The following MYOF variants were observed in gnomAD, a reference collection of about 807,000 sequenced individuals.
The protein encoded by MYOF is myoferlin.
A neutral mutation model predicts 284.2 loss-of-function variants in MYOF; 244 were observed. That is an observed-to-expected ratio of 0.86 (90% CI 0.77 to 0.95). The LOEUF (loss-of-function observed/expected upper bound fraction) is 0.95, where lower values mean the gene tolerates loss of function less well. Among genes scored for constraint, MYOF ranks in the 40% least tolerant of loss-of-function variants. MYOF has a pLI of 0.00. For synonymous variants in MYOF, 904 were observed against 919.7 expected (o/e 0.98, Z 0.31); for missense variants, 2,496 against 2,560.6 (o/e 0.97, Z 0.54).
rs150505960 is a variant in MYOF, at chr10:93,325,753, C to T, written c.5271+73G>A. ...CAAAGTATTCAAAGAAGATAAAAGG[C>T]GCAAAAATGTCAACTACTGCCATTG... On this transcript the variant is annotated intron_variant, in intron 46 of 53. Transcript: ENST00000359263. 260 of 1,502,206 alleles carry T rather than the reference C, an allele frequency of 1.7e-4. No homozygotes were observed. In the African/African-American group the frequency reaches 2.3e-3, roughly 13 times the overall value. The allele number at this position is 1,502,206 out of a possible 1,614,324, so 93.1% of individuals were successfully genotyped here.
intron 37 of MYOF, 135 bp from the exon 38 acceptor site, chr10:93,344,067 G>GTT: frequency 1.2e-6 from 1 of 814,838 alleles, no homozygotes. Context: ...AGAATAGAGA[G>GTT]GACAACTCCT....
At chr10:93,459,134 A>G (rs1244388306) in intron 1 of MYOF, among the ~76,000 whole-genome samples, 1 of 152,124 alleles carries the variant, frequency 6.6e-6, no homozygotes, top group Non-Finnish European at 1.5e-5. Context: ...TATGTGGCCT[A>G]CAGAGCCCCT....
At chr10:93,418,204 AGCACAACAAAGG>A (rs1057443287) in intron 5 of MYOF, among the ~76,000 whole-genome samples, 13 of 152,344 alleles carry the variant, frequency 8.5e-5, no homozygotes, top group Admixed American at 5.9e-4. Flanking sequence ...TCATTGCCCA[AGCACAACAAAGG>A]GCTGATATCA....
intron 15 of MYOF, 174 bp downstream of exon 15, chr10:93,397,073 T>G: frequency 1.9e-6 from 1 of 522,568 alleles, no homozygotes; most frequent in Non-Finnish European, 3.3e-6. Context: ...GAAGCTTTTT[T>G]TGCAGTAACA....
intron 1 of MYOF, among the ~76,000 whole-genome samples, chr10:93,465,723 C>A (rs2056995013): frequency 6.6e-6 from 1 of 151,944 alleles, no homozygotes; most frequent in African/African-American, 2.4e-5. Context: ...CCATGTTGGC[C>A]AGGCTGGTCT....
intron 45 of MYOF, among the ~76,000 whole-genome samples, chr10:93,328,179 C>T (rs1215042534): frequency 3.3e-5 from 5 of 152,174 alleles, no homozygotes; most frequent in East Asian, 1.9e-4. Context: ...CCCTTGCCAC[C>T]GCCCCCTCTG....
intron 4 of MYOF, among the ~76,000 whole-genome samples, chr10:93,428,932 G>A (rs1387740501): frequency 1.3e-5 from 2 of 152,132 alleles, no homozygotes; most frequent in African/African-American, 2.4e-5. Context: ...GGTGCTCCAG[G>A]GACCCCCAAA....
chr10:93,376,960 G>A (rs973924371), intron 22 of MYOF, among the ~76,000 whole-genome samples: 3 of 152,134 alleles, frequency 2.0e-5, no homozygotes, highest in East Asian at 1.9e-4. Flanking sequence ...CCCATTCTCC[G>A]TAGGAGCCAG....
At chr10:93,363,131 A>G (rs1845155571) in intron 27 of MYOF, among the ~76,000 whole-genome samples, 1 of 152,248 alleles carries the variant, frequency 6.6e-6, no homozygotes, top group Non-Finnish European at 1.5e-5. Flanking sequence ...ATCTATATGC[A>G]TTGACATAAA....
intron 39 of MYOF, among the ~76,000 whole-genome samples, chr10:93,338,694 G>T (rs374662436): frequency 6.6e-6 from 1 of 152,108 alleles, no homozygotes; most frequent in African/African-American, 2.4e-5. Context: ...GTGAGACCAG[G>T]GCATCCAATA....
rs575435504 is a variant in MYOF at position 93,353,829 on chromosome 10, C to T, written c.3463G>A (p.Asp1155Asn). 2.4e-5 allele frequency: 38 copies of T among 1,609,074 alleles called. No individual in the cohort carries two copies. Among genetic ancestry groups the T allele is most frequent in the Non-Finnish European group, 3.1e-5 (37 of 1,176,916 alleles). ...VYQARNLLAL[D>N]KDSFSDPYAH... ...CCTTTACCTGAAAAGCTATCCTTAT[C>T]TAAAGCCAAGAGGTTTCTGGCTTGA... is the stretch of plus-strand genomic sequence containing the variant. Residue 1155 changes from aspartate (D) to asparagine (N), a missense_variant, in exon 32 of 54, where the codon GAT becomes AAT. Asp to Asn is a conservative substitution (Grantham distance 23). Coordinates refer to ENST00000359263, the MANE Select transcript of MYOF (RefSeq NM_013451.4).
At chr10:93,356,226 T>G (rs1169694059) in intron 30 of MYOF, among the ~76,000 whole-genome samples, 2 of 152,222 alleles carry the variant, frequency 1.3e-5, no homozygotes, top group Admixed American at 1.3e-4. Context: ...TTCTTTACTG[T>G]GCTTCAGTAT....
intron 50 of MYOF, among the ~76,000 whole-genome samples, chr10:93,315,387 A>G (rs549599862): frequency 6.6e-6 from 1 of 152,248 alleles, no homozygotes; most frequent in South Asian, 2.1e-4. Flanking sequence ...AACAGATGAC[A>G]TTGCTAGAAT....
At chr10:93,447,703 G>A (rs1396789532) in intron 3 of MYOF, among the ~76,000 whole-genome samples, 12 of 152,086 alleles carry the variant, frequency 7.9e-5, no homozygotes, top group African/African-American at 2.9e-4. Context: ...AAAGTGTGAC[G>A]TTTCTCTATA....
chr10:93,353,196 C>T (rs889581375), intron 32 of MYOF, among the ~76,000 whole-genome samples: 2 of 152,168 alleles, frequency 1.3e-5, no homozygotes, highest in African/African-American at 4.8e-5. Flanking sequence ...GCGGCAAGGA[C>T]TCAAATCCCC....
chr10:93,446,201 G>T (rs74150238), intron 3 of MYOF, among the ~76,000 whole-genome samples: 7,252 of 152,084 alleles, frequency 0.048, 564 homozygotes, highest in African/African-American at 0.16. Context: ...ACGCAGGGTC[G>T]GCCTTCCACT....
Position 93,353,855 on chromosome 10 carries a change from T to C in MYOF, c.3437A>G (p.Tyr1146Cys), listed in dbSNP as rs775539463. The C allele has an allele frequency of 5.0e-6, 8 of 1,611,198 alleles. No homozygotes were observed. Among genetic ancestry groups the C allele is most frequent in the South Asian group, 1.1e-5 (1 of 90,598 alleles). Reference protein sequence around the residue: ...VYIYHLRCYVYQARNLLALDK... With the variant: ...VYIYHLRCYVCQARNLLALDK... ...TAAAGCCAAGAGGTTTCTGGCTTGA[T>C]AGACATAGCAGCGCAGATGGTAGAT... Residue 1146 changes from tyrosine (Y) to cysteine (C), a missense_variant, in exon 32 of 54, where the codon TAT becomes TGT. Around this residue, in one of 3 missense-constraint regions of MYOF, gnomAD observed 2,436 missense variants for 2,480.7 expected, o/e 0.98. Coordinates refer to ENST00000359263, the MANE Select transcript of MYOF (RefSeq NM_013451.4).
At chr10:93,385,843 CT>C (rs34820102) in intron 19 of MYOF, among the ~76,000 whole-genome samples, 66,667 of 142,752 alleles carry the variant, frequency 0.47, 15,400 homozygotes, top group African/African-American at 0.58. Flanking sequence ...ATATTGTTGA[CT>C]TTTTTTTTTT....
In MYOF at chr10:93,469,405, GA is replaced by G. The variant is rs11406764; in HGVS notation, c.89-12469del. On this transcript the variant is annotated intron_variant, in intron 1 of 53. Coordinates refer to ENST00000359263, the MANE Select transcript of MYOF (RefSeq NM_013451.4). ...GACAGAGCTAGACTGCATCTCTGAA[GA>G]AAAAAAAAAAAGATTACACCCATGA... 3.1e-4 allele frequency among the ~76,000 whole-genome samples: 46 copies of G among 146,556 alleles called. No individual in the cohort carries two copies. In the East Asian group the frequency reaches 4.6e-3, roughly 15 times the overall value.
Sources: gnomAD v4.1 joint callset for allele counts (sites outside exome capture counted in the v4.1 genomes callset) on GRCh38, gnomAD v4.1.1 for gene constraint, gnomAD v4.1.1 regional missense constraint, MANE v1.5 for transcripts, NCBI Gene and HGNC (gene_info 2026-07-23, HGNC 2026-07-21) for gene names.